The following FHIP1A variants were observed in gnomAD, a reference collection of about 807,000 sequenced individuals.
The protein encoded by FHIP1A is FHF complex subunit HOOK interacting protein 1A, also known as FHF complex subunit HOOK-interacting protein 1A.
Under a neutral mutation model 88.6 loss-of-function variants are expected in FHIP1A, and 61 were observed. The ratio of observed to expected loss-of-function variants is 0.69; its 90% CI spans 0.56 to 0.85. The LOEUF (loss-of-function observed/expected upper bound fraction) is 0.85. FHIP1A is among the 40% of genes least tolerant of loss of function. The pLI is 0.00. For missense variants in FHIP1A, 1,154 were observed against 1,273.5 expected (o/e 0.91, Z 1.43); for synonymous variants, 478 against 496.0 (o/e 0.96, Z 0.48).
At chr4:151,501,160 T>C (rs1252210689) in intron 3 of FHIP1A, among the ~76,000 whole-genome samples, 1 of 152,158 alleles carries the variant, frequency 6.6e-6, no homozygotes, top group Non-Finnish European at 1.5e-5. Context: ...ACTTGCCATA[T>C]ATGGAGGGGG....
At chr4:151,468,525 C>T (rs1430989978) in intron 2 of FHIP1A, among the ~76,000 whole-genome samples, 1 of 152,068 alleles carries the variant, frequency 6.6e-6, no homozygotes, top group Non-Finnish European at 1.5e-5. Flanking sequence ...GCTATGGAAA[C>T]TCAGTATTTT....
intron 3 of FHIP1A, among the ~76,000 whole-genome samples, chr4:151,510,991 T>C (rs983575683): frequency 7.9e-5 from 12 of 152,148 alleles, no homozygotes; most frequent in Non-Finnish European, 1.6e-4. Context: ...TTATGATCTT[T>C]TGGGGGAAGT....
intron 7 of FHIP1A, among the ~76,000 whole-genome samples, chr4:151,618,076 G>C (rs1462006503): frequency 6.6e-6 from 1 of 152,084 alleles, no homozygotes; most frequent in East Asian, 1.9e-4. Context: ...GTTTTTTGAG[G>C]GATAAATGCT....
intron 3 of FHIP1A, among the ~76,000 whole-genome samples, chr4:151,561,017 G>T (rs1377110024): frequency 2.0e-5 from 3 of 152,062 alleles, no homozygotes; most frequent in African/African-American, 4.8e-5. Flanking sequence ...TCAGTCAGTT[G>T]CATGGCACTT....
At chr4:151,446,143 C>G (rs905454958) in intron 1 of FHIP1A, among the ~76,000 whole-genome samples, 1 of 151,794 alleles carries the variant, frequency 6.6e-6, no homozygotes, top group African/African-American at 2.4e-5. Context: ...CTGTGGCTCC[C>G]CATCTTGGAC....
At chr4:151,643,961 C>G (rs1736692212) in intron 9 of FHIP1A, among the ~76,000 whole-genome samples, 1 of 152,158 alleles carries the variant, frequency 6.6e-6, no homozygotes, top group African/African-American at 2.4e-5. Context: ...TGATAAATAG[C>G]TTTATTAGCT....
intron 7 of FHIP1A, among the ~76,000 whole-genome samples, chr4:151,625,940 C>T (rs938041600): frequency 2.0e-5 from 3 of 152,120 alleles, no homozygotes; most frequent in Non-Finnish European, 4.4e-5. Context: ...AGGGAACTGG[C>T]GATGAGAACT....
intron 2 of FHIP1A, among the ~76,000 whole-genome samples, chr4:151,482,118 A>G (rs1729917055): frequency 6.6e-6 from 1 of 152,072 alleles, no homozygotes; most frequent in Non-Finnish European, 1.5e-5. Flanking sequence ...ATTTTTTGAA[A>G]TTGTTTATAA....
At chr4:151,627,901 A>G (rs1262178281) in intron 7 of FHIP1A, among the ~76,000 whole-genome samples, 6 of 152,172 alleles carry the variant, frequency 3.9e-5, no homozygotes, top group Non-Finnish European at 7.4e-5. Context: ...TGTGCATTGC[A>G]TTGAGGTAAT....
At chr4:151,480,498 G>A (rs1729855165) in intron 2 of FHIP1A, among the ~76,000 whole-genome samples, 1 of 152,022 alleles carries the variant, frequency 6.6e-6, no homozygotes, top group Non-Finnish European at 1.5e-5. Flanking sequence ...TTAAGAGGAG[G>A]TAAAAGAGCC....
At chr4:151,474,119 A>T (rs753307684) in intron 2 of FHIP1A, among the ~76,000 whole-genome samples, 6 of 152,232 alleles carry the variant, frequency 3.9e-5, no homozygotes, top group Non-Finnish European at 7.3e-5. Flanking sequence ...GAAGGTTATG[A>T]GCAATAACAG....
chr4:151,508,491 A>C (rs1055367149), intron 3 of FHIP1A, among the ~76,000 whole-genome samples: 3 of 152,186 alleles, frequency 2.0e-5, no homozygotes, highest in African/African-American at 7.2e-5. Context: ...TAGGTGGTCC[A>C]GGGCTGAAGC....
At chr4:151,546,379 T>A (rs1732504312) in intron 3 of FHIP1A, among the ~76,000 whole-genome samples, 1 of 152,204 alleles carries the variant, frequency 6.6e-6, no homozygotes, top group Non-Finnish European at 1.5e-5. Context: ...ATCCAAGGTC[T>A]CCAGCTTGCA....
At chr4:151,539,002 A>G (rs1438766898) in intron 3 of FHIP1A, among the ~76,000 whole-genome samples, 1 of 152,214 alleles carries the variant, frequency 6.6e-6, no homozygotes, top group African/African-American at 2.4e-5. Context: ...GCTCAAGGCC[A>G]GTATTTTTTC....
rs74876999 is a variant in FHIP1A at position 151,584,398 on chromosome 4, G to C, written c.733-2243G>C. Among the ~76,000 whole-genome samples, 462 of 152,312 alleles carry C rather than the reference G, an allele frequency of 3.0e-3. 3 individuals are homozygous for C. Among genetic ancestry groups the C allele is most frequent in the African/African-American group, 0.011 (444 of 41,558 alleles). On this transcript the variant is annotated intron_variant, in intron 5 of 13. Coordinates refer to ENST00000435205, the MANE Select transcript of FHIP1A (RefSeq NM_001109977.3). ...GAGTGCTGTGGGAACAGGACAAGGGGAAAAGGAAGGCAACAATAGGTCTAC... is the reference window on the plus strand; with the variant it reads ...GAGTGCTGTGGGAACAGGACAAGGGCAAAAGGAAGGCAACAATAGGTCTAC...
In FHIP1A at chr4:151,656,721, A is replaced by G. The variant is rs1183016619; in HGVS notation, c.2731-39A>G. 2.0e-6 allele frequency: 3 copies of G among 1,531,394 alleles called. No individual in the cohort carries two copies. The African/African-American group carries it at 4.1e-5, about 21-fold the overall frequency. The allele number at this position is 1,531,394 out of a possible 1,614,324, so 94.9% of individuals were successfully genotyped here. On this transcript the variant is annotated intron_variant, in intron 12 of 13. Coordinates refer to ENST00000435205, the MANE Select transcript of FHIP1A (RefSeq NM_001109977.3). The surrounding 1 kb of genome is among the most constrained non-coding windows in gnomAD (Gnocchi z 4.2). Reference sequence around the variant, plus strand: ...TATTGATAACTGGGAGTGGAATTTCATGGTGAGGCATTAACATCAGTAATG... The same window carrying G: ...TATTGATAACTGGGAGTGGAATTTCGTGGTGAGGCATTAACATCAGTAATG...
At chr4:151,590,041 C>T (rs4235221) in intron 7 of FHIP1A, among the ~76,000 whole-genome samples, 42,858 of 152,066 alleles carry the variant, frequency 0.28, 6,317 homozygotes, top group Non-Finnish European at 0.33. Context: ...GGGATTAACT[C>T]TGGAAAATAC....
At chr4:151,446,472 C>T (rs1383886740) in intron 1 of FHIP1A, among the ~76,000 whole-genome samples, 2 of 128,762 alleles carry the variant, frequency 1.6e-5, no homozygotes, top group Admixed American at 7.8e-5. Flanking sequence ...TTTCCTTTTC[C>T]CTTTCCTTTT....
intron 1 of FHIP1A, among the ~76,000 whole-genome samples, chr4:151,413,760 T>C (rs1325240008): frequency 1.3e-5 from 2 of 151,608 alleles, no homozygotes; most frequent in African/African-American, 2.4e-5. Context: ...TGGCCTCATA[T>C]GTATTACTTA....
Sources: allele counts gnomAD v4.1 joint callset (sites outside exome capture counted in the v4.1 genomes callset), GRCh38; gene constraint gnomAD v4.1.1; non-coding constraint Gnocchi (gnomAD v3.1); transcripts MANE v1.5; gene names NCBI Gene and HGNC (gene_info 2026-07-23, HGNC 2026-07-21).